The following RASGRF2 variants were observed in gnomAD, a reference collection of about 807,000 sequenced individuals.
RASGRF2 encodes Ras protein specific guanine nucleotide releasing factor 2.
A neutral mutation model predicts 151.0 loss-of-function variants in RASGRF2; 76 were observed. That is an observed-to-expected ratio of 0.50 (90% CI 0.42 to 0.61). RASGRF2 has a LOEUF of 0.61. RASGRF2 is among the 20% of genes least tolerant of loss of function. RASGRF2 has a pLI of 0.00. For missense variants in RASGRF2, 1,148 were observed against 1,564.6 expected, an observed-to-expected ratio of 0.73 and a Z score of 4.49; for synonymous variants, 504 against 566.5, an observed-to-expected ratio of 0.89 and a Z score of 1.57.
At chr5:81,059,622 G>A (rs1751353928) in intron 2 of RASGRF2, among the ~76,000 whole-genome samples, 1 of 151,958 alleles carries the variant, frequency 6.6e-6, no homozygotes, top group South Asian at 2.1e-4. Flanking sequence ...TGAGATGGGT[G>A]AATCACGAGG....
chr5:81,187,632 G>A (rs539261824), intron 18 of RASGRF2, among the ~76,000 whole-genome samples: 16 of 152,328 alleles, frequency 1.1e-4, no homozygotes, highest in African/African-American at 3.6e-4. Context: ...ATGAGCATCC[G>A]TCTGCTCCAC....
At chr5:81,097,112 C>A (rs1474753081) in intron 12 of RASGRF2, among the ~76,000 whole-genome samples, 2 of 152,102 alleles carry the variant, frequency 1.3e-5, no homozygotes, top group African/African-American at 4.8e-5. Context: ...CAGGTGTGCA[C>A]CATCACACCC....
chr5:80,994,234 T>C (rs369400365), intron 1 of RASGRF2, among the ~76,000 whole-genome samples: 101 of 151,906 alleles, frequency 6.6e-4, no homozygotes, highest in Middle Eastern at 3.4e-3. Context: ...GGCGTGGTGG[T>C]AGGCGCCTGT....
chr5:80,968,426 C>A (rs1747794211), intron 1 of RASGRF2, among the ~76,000 whole-genome samples: 1 of 151,968 alleles, frequency 6.6e-6, no homozygotes, highest in Non-Finnish European at 1.5e-5. Flanking sequence ...AAATAAGGAA[C>A]TTTTTTCCTT....
At chr5:80,980,921 T>TA (rs112648881) in intron 1 of RASGRF2, among the ~76,000 whole-genome samples, 1,719 of 152,260 alleles carry the variant, frequency 0.011, 49 homozygotes, top group African/African-American at 0.039. Flanking sequence ...AGAGCCCACT[T>TA]ACCACACCCC....
At chr5:81,198,534 G>A (rs892750045) in intron 18 of RASGRF2, among the ~76,000 whole-genome samples, 1 of 152,088 alleles carries the variant, frequency 6.6e-6, no homozygotes, top group Non-Finnish European at 1.5e-5. Flanking sequence ...CCGCCTGCCG[G>A]GTTCACACCA....
chr5:80,982,790 C>T (rs985652018), intron 1 of RASGRF2, among the ~76,000 whole-genome samples: 6 of 151,782 alleles, frequency 4.0e-5, no homozygotes, highest in Admixed American at 6.6e-5. Context: ...TTAGTAGAGA[C>T]GGGGTTTCAC....
chr5:81,018,829 G>A (rs1466486471), intron 1 of RASGRF2, among the ~76,000 whole-genome samples: 1 of 142,856 alleles, frequency 7.0e-6, no homozygotes, highest in Non-Finnish European at 1.5e-5. Context: ...TTGAGACAGA[G>A]TCTCACTGTG....
chr5:80,981,451 C>T (rs529552067), intron 1 of RASGRF2, among the ~76,000 whole-genome samples: 2 of 152,204 alleles, frequency 1.3e-5, no homozygotes, highest in African/African-American at 2.4e-5. Context: ...GGCTTTCTTA[C>T]GACAAGGATT....
chr5:81,215,641 C>A (rs540708649), intron 23 of RASGRF2, among the ~76,000 whole-genome samples: 8 of 152,290 alleles, frequency 5.3e-5, no homozygotes, highest in African/African-American at 1.7e-4. Context: ...TTTTTGCTCT[C>A]TTTTTGGCTA....
chr5:81,211,446 G>A (rs763295081), intron 22 of RASGRF2, among the ~76,000 whole-genome samples: 7 of 152,100 alleles, frequency 4.6e-5, no homozygotes, highest in Non-Finnish European at 7.3e-5. Context: ...CTTCTTCATC[G>A]AAATTACTGA....
At chr5:80,995,226 A>T (rs1381637449) in intron 1 of RASGRF2, among the ~76,000 whole-genome samples, 3 of 146,108 alleles carry the variant, frequency 2.1e-5, no homozygotes, top group Non-Finnish European at 4.5e-5. Flanking sequence ...ACTGCCCTCC[A>T]GCCTGGGCGA....
rs1485753978 is a variant in RASGRF2 at position 81,139,653 on chromosome 5, T to A, written c.2686+12490T>A. On this transcript the variant is annotated intron_variant, in intron 17 of 26. Transcript: ENST00000265080. The stretch of plus-strand genomic sequence containing the variant: ...AGCCTATGTTTTGAATTGCAAGCGC[T>A]TCTTTGAAGTCCTTGTCAAGCAGGG... 3.9e-5 allele frequency among the ~76,000 whole-genome samples: 6 copies of A among 152,136 alleles called. No individual in the cohort carries two copies. The East Asian group carries it at 9.6e-4, about 24-fold the overall frequency.
At chr5:81,197,330 C>A (rs1319781463) in intron 18 of RASGRF2, among the ~76,000 whole-genome samples, 1 of 150,938 alleles carries the variant, frequency 6.6e-6, no homozygotes, top group African/African-American at 2.4e-5. Context: ...GTGGCGGGCG[C>A]CTGTAGTCCC....
chr5:81,204,901 T>C (rs1222893029), intron 19 of RASGRF2, among the ~76,000 whole-genome samples: 3 of 152,200 alleles, frequency 2.0e-5, no homozygotes, highest in African/African-American at 7.2e-5. Flanking sequence ...TTTTTGACTT[T>C]TTCTTTCCAA....
intron 2 of RASGRF2, among the ~76,000 whole-genome samples, chr5:81,043,304 C>T (rs1750737206): frequency 6.6e-6 from 1 of 152,138 alleles, no homozygotes; most frequent in Admixed American, 6.5e-5. Flanking sequence ...TGTCAACAAT[C>T]GGCAAGAGGG....
At chr5:81,103,520 A>T (rs899463883) in intron 12 of RASGRF2, among the ~76,000 whole-genome samples, 3 of 152,112 alleles carry the variant, frequency 2.0e-5, no homozygotes, top group Admixed American at 1.3e-4. Context: ...ATTCAAGGGA[A>T]TAGAAAAGAT....
intron 20 of RASGRF2, 123 bp downstream of exon 20, chr5:81,207,028 C>T (rs1452117739): frequency 1.1e-6 from 1 of 910,686 alleles, no homozygotes; most frequent in African/African-American, 1.7e-5. Context: ...ATCTGTGAAG[C>T]TCTGTGAGAT....
At chr5:81,060,222 G>A (rs1751384260) in intron 2 of RASGRF2, among the ~76,000 whole-genome samples, 1 of 152,090 alleles carries the variant, frequency 6.6e-6, no homozygotes, top group Non-Finnish European at 1.5e-5. Flanking sequence ...GTGAGATTTG[G>A]GTGTGACACA....
Sources: gnomAD v4.1 joint callset for allele counts (sites outside exome capture counted in the v4.1 genomes callset) on GRCh38, gnomAD v4.1.1 for gene constraint, MANE v1.5 for transcripts, NCBI Gene and HGNC (gene_info 2026-07-23, HGNC 2026-07-21) for gene names.